Variants in SNX9 observed in about 807,000 individuals in gnomAD.
SNX9 encodes the protein sorting nexin 9.
A neutral mutation model predicts 89.4 loss-of-function variants in SNX9; 44 were observed. That is an observed-to-expected ratio of 0.49 (90% confidence interval 0.39 to 0.63). SNX9 has a LOEUF of 0.63. SNX9 is among the 30% of genes least tolerant of loss of function. The probability of loss-of-function intolerance (pLI) is 0.00; values close to 1 mark genes in which losing one functional copy is unlikely to be tolerated. For synonymous variants in SNX9, 236 were observed against 247.8 expected, an observed-to-expected ratio of 0.95 and a Z score of 0.45; for missense variants, 578 against 736.1, an observed-to-expected ratio of 0.79 and a Z score of 2.49.
intron 4 of SNX9, among the ~76,000 whole-genome samples, chr6:157,890,045 C>G (rs879532721): frequency 6.6e-6 from 1 of 152,158 alleles, no homozygotes; most frequent in Admixed American, 6.5e-5. Context: ...GGATTCAAAC[C>G]CAGATAGCAG....
rs190123243 is a variant in SNX9, at chr6:157,828,801, C to T, written c.12+5355C>T. Among the ~76,000 whole-genome samples, 11 of 152,270 alleles carry T rather than the reference C, an allele frequency of 7.2e-5. No individual in the cohort carries two copies. The East Asian group carries it at 7.7e-4, about 11-fold the overall frequency. On this transcript the variant is annotated intron_variant, in intron 1 of 17. Coordinates refer to ENST00000392185, the MANE Select transcript of SNX9 (RefSeq NM_016224.5). ...CATATTAGGTCTTAATGCGTCTAAG[C>T]ATCACTTCCCCGGGAAAGCCTTTCC...
chr6:157,937,799 A>G (rs768455310), intron 15 of SNX9, among the ~76,000 whole-genome samples: 6 of 152,204 alleles, frequency 3.9e-5, no homozygotes, highest in Non-Finnish European at 7.3e-5. Flanking sequence ...ATCGTATATT[A>G]TGATGTACTT....
chr6:157,885,780 G>A (rs1338786777), intron 4 of SNX9, among the ~76,000 whole-genome samples: 1 of 152,098 alleles, frequency 6.6e-6, no homozygotes, highest in Non-Finnish European at 1.5e-5. Context: ...CTGCGATTGG[G>A]AACTCCTCTT....
At chr6:157,889,179 C>T (rs1782802397) in intron 4 of SNX9, among the ~76,000 whole-genome samples, 2 of 152,038 alleles carry the variant, frequency 1.3e-5, no homozygotes, top group Admixed American at 1.3e-4. Flanking sequence ...GCCTGTAATC[C>T]CAGCACTTTG....
intron 10 of SNX9, among the ~76,000 whole-genome samples, chr6:157,926,809 A>G (rs1037727196): frequency 6.8e-5 from 10 of 147,896 alleles, no homozygotes; most frequent in Non-Finnish European, 1.5e-4. Context: ...AAAAAAGTAT[A>G]GGGTGTTTCT....
intron 4 of SNX9, among the ~76,000 whole-genome samples, chr6:157,882,341 T>A (rs1583215154): frequency 1.3e-5 from 2 of 152,342 alleles, no homozygotes; most frequent in East Asian, 3.9e-4. Flanking sequence ...ACAATGCCCC[T>A]GGTCACCTAA....
chr6:157,922,073 A>G (rs1036094407), intron 10 of SNX9, among the ~76,000 whole-genome samples: 1 of 152,170 alleles, frequency 6.6e-6, no homozygotes, highest in Admixed American at 6.5e-5. Context: ...GGAAAGGGAG[A>G]GGCAGACATG....
chr6:157,907,945 C>T (rs1412747592), intron 7 of SNX9, among the ~76,000 whole-genome samples: 1 of 152,208 alleles, frequency 6.6e-6, no homozygotes, highest in Non-Finnish European at 1.5e-5. Context: ...TTTCTTGGAT[C>T]TGGGCTCTCC....
At chr6:157,940,073 G>A (rs927659155) in intron 16 of SNX9, among the ~76,000 whole-genome samples, 8 of 152,228 alleles carry the variant, frequency 5.3e-5, no homozygotes, top group East Asian at 3.9e-4. Context: ...TTCTGACAGC[G>A]TCGCTGGTGC....
intron 1 of SNX9, among the ~76,000 whole-genome samples, chr6:157,862,582 A>G (rs971294676): frequency 1.3e-5 from 2 of 152,184 alleles, no homozygotes; most frequent in South Asian, 4.1e-4. Context: ...CTAAGATGTA[A>G]TTGTGATTTA....
chr6:157,879,619 T>A (rs1353527868), intron 4 of SNX9, among the ~76,000 whole-genome samples: 2 of 152,256 alleles, frequency 1.3e-5, no homozygotes, highest in Non-Finnish European at 1.5e-5. Context: ...TACTTATCGG[T>A]TATTTCACAG....
intron 9 of SNX9, among the ~76,000 whole-genome samples, chr6:157,914,531 C>CAGTG (rs1783423010): frequency 8.0e-6 from 1 of 124,260 alleles, no homozygotes; most frequent in Non-Finnish European, 1.5e-5. Context: ...GGCTGGAGTG[C>CAGTG]AGTGGCACCA....
rs1005212346 is a variant in SNX9 at position 157,823,342 on chromosome 6, G to T, written c.-93G>T. 95 of 1,137,586 alleles carry T rather than the reference G, an allele frequency of 8.4e-5. No homozygotes were observed. In the African/African-American group the frequency reaches 1.4e-3, roughly 17 times the overall value. 70.5% of individuals were successfully genotyped at this position (1,137,586 alleles called of 1,614,324 possible). A position where few individuals can be genotyped will look rare whatever the true frequency, so the allele number is the denominator to read the frequency against. On this transcript the variant is annotated 5_prime_UTR_variant, in exon 1 of 18. Transcript: ENST00000392185. This position sits in a 1 kb window ranked among gnomAD's most constrained non-coding sequence, Gnocchi z 4.6. The stretch of plus-strand genomic sequence containing the variant: ...GCGCCGGGGCCCAGCCGGAGCCGCC[G>T]CCCTCGCCCTTGCCTTTGCCTGCGC...
intron 10 of SNX9, among the ~76,000 whole-genome samples, chr6:157,923,454 A>G (rs904058396): frequency 3.9e-5 from 6 of 152,206 alleles, no homozygotes; most frequent in Non-Finnish European, 5.9e-5. Context: ...TGTCATTTAC[A>G]GTAACATCAA....
chr6:157,858,527 C>T (rs1583202929), intron 1 of SNX9, among the ~76,000 whole-genome samples: 3 of 152,100 alleles, frequency 2.0e-5, no homozygotes, highest in African/African-American at 2.4e-5. Context: ...CGGCCATTGT[C>T]CAGAGTCTTA....
intron 9 of SNX9, among the ~76,000 whole-genome samples, chr6:157,914,325 A>AT (rs1025186010): frequency 3.0e-4 from 45 of 151,994 alleles, no homozygotes; most frequent in African/African-American, 1.1e-3. Flanking sequence ...TCTTGTGCTC[A>AT]TTTTTTATCA....
chr6:157,860,310 G>A, intron 1 of SNX9, among the ~76,000 whole-genome samples: 1 of 152,204 alleles, frequency 6.6e-6, no homozygotes, highest in East Asian at 1.9e-4. Context: ...GGAGGCTGAG[G>A]CAGGAGAATT....
chr6:157,841,371 C>T (rs983598950), intron 1 of SNX9, among the ~76,000 whole-genome samples: 27 of 152,134 alleles, frequency 1.8e-4, no homozygotes, highest in African/African-American at 6.5e-4. Context: ...CCTACAGGCC[C>T]TGGGAGTACA....
At chr6:157,938,392 CTT>C (rs1783968352) in intron 15 of SNX9, among the ~76,000 whole-genome samples, 1 of 152,186 alleles carries the variant, frequency 6.6e-6, no homozygotes, top group Non-Finnish European at 1.5e-5. Context: ...TTGCTTTTCT[CTT>C]TTGTTGTAGC....
Sources: gnomAD v4.1 joint callset for allele counts (sites outside exome capture counted in the v4.1 genomes callset) on GRCh38, gnomAD v4.1.1 for gene constraint, Gnocchi (gnomAD v3.1) non-coding constraint, MANE v1.5 for transcripts, NCBI Gene and HGNC (gene_info 2026-07-23, HGNC 2026-07-21) for gene names.